DLGAP1: variants seen among roughly 807,000 people sequenced by gnomAD.
DLGAP1 encodes the protein DLG associated protein 1, also known as disks large-associated protein 1.
DLGAP1 carries 11 observed loss-of-function variants against 90.8 expected under a neutral mutation model. The observed-to-expected ratio is 0.12, with a 90% CI of 0.08 to 0.20. The LOEUF (loss-of-function observed/expected upper bound fraction) is 0.20, where lower values mean the gene tolerates loss of function less well. Among genes scored for constraint, DLGAP1 ranks in the 10% least tolerant of loss-of-function variants. The pLI is 1.00. For missense variants in DLGAP1, 1,050 were observed against 1,333.8 expected, an observed-to-expected ratio of 0.79 and a Z score of 3.31; for synonymous variants, 558 against 540.7, an observed-to-expected ratio of 1.03 and a Z score of -0.44.
At chr18:3,631,182 C>A (rs970579069) in intron 7 of DLGAP1, among the ~76,000 whole-genome samples, 5 of 151,652 alleles carry the variant, frequency 3.3e-5, no homozygotes, top group African/African-American at 1.2e-4. Context: ...TGGGGTTTCA[C>A]CATGTTGGTC....
Position 3,526,955 on chromosome 18 carries a change from T to G in DLGAP1, c.2479+7239A>C, listed in dbSNP as rs542772224. Among the ~76,000 whole-genome samples, 7 of 152,118 alleles carry G rather than the reference T, an allele frequency of 4.6e-5. No individual in the cohort carries two copies. The highest frequency in any genetic ancestry group is 8.8e-5 in the Non-Finnish European group (6 of 67,982). On this transcript the variant is annotated intron_variant, in intron 10 of 12. Coordinates refer to ENST00000315677, the MANE Select transcript of DLGAP1 (RefSeq NM_004746.4). This position sits in a 1 kb window ranked among gnomAD's most constrained non-coding sequence, Gnocchi z 4.7. Reference sequence around the variant, plus strand: ...TTGGCTTGGAGGAAACCTCACTCACTGCAGTTTCATTATTTTATTATCAAG... The same window carrying G: ...TTGGCTTGGAGGAAACCTCACTCACGGCAGTTTCATTATTTTATTATCAAG...
chr18:4,236,798 C>T (rs886627748), intron 1 of DLGAP1, among the ~76,000 whole-genome samples: 28 of 152,006 alleles, frequency 1.8e-4, no homozygotes, highest in African/African-American at 5.8e-4. Flanking sequence ...CTCTACCAGT[C>T]GCCAGAATAT....
intron 1 of DLGAP1, among the ~76,000 whole-genome samples, chr18:4,339,551 T>C (rs1038316322): frequency 6.6e-6 from 1 of 152,172 alleles, no homozygotes; most frequent in African/African-American, 2.4e-5. Context: ...TATCAATTAT[T>C]TGTATTTTCT....
intron 1 of DLGAP1, among the ~76,000 whole-genome samples, chr18:4,438,267 A>G (rs2083449887): frequency 6.6e-6 from 1 of 152,052 alleles, no homozygotes; most frequent in African/African-American, 2.4e-5. Flanking sequence ...GTGAAGTACT[A>G]GACTGATGTT....
intron 2 of DLGAP1, among the ~76,000 whole-genome samples, chr18:4,046,994 A>T (rs1274069444): frequency 2.6e-5 from 4 of 152,236 alleles, no homozygotes; most frequent in African/African-American, 9.6e-5. Context: ...TTGCCTCCAC[A>T]TCCTGGAACT....
intron 1 of DLGAP1, among the ~76,000 whole-genome samples, chr18:4,365,703 T>G (rs1007765654): frequency 6.6e-6 from 1 of 152,160 alleles, no homozygotes; most frequent in Non-Finnish European, 1.5e-5. Context: ...AGGCATGAAT[T>G]TGAAAACGAG....
intron 2 of DLGAP1, among the ~76,000 whole-genome samples, chr18:4,050,653 T>C (rs1364352221): frequency 6.6e-6 from 1 of 152,230 alleles, no homozygotes; most frequent in Admixed American, 6.5e-5. Context: ...AGGTTAATGC[T>C]CACAGGATAG....
chr18:3,868,104 T>C (rs1228351060), intron 4 of DLGAP1, among the ~76,000 whole-genome samples: 1 of 152,166 alleles, frequency 6.6e-6, no homozygotes, highest in African/African-American at 2.4e-5. Flanking sequence ...ATCAGCTATT[T>C]ATAGGCGTTT....
At chr18:4,285,776 T>C (rs1007707391) in intron 1 of DLGAP1, among the ~76,000 whole-genome samples, 11 of 152,188 alleles carry the variant, frequency 7.2e-5, no homozygotes, top group African/African-American at 2.7e-4. Flanking sequence ...GGTTGAAACA[T>C]GGCTACTGGG....
chr18:4,112,679 G>A (rs2075995176), intron 2 of DLGAP1, among the ~76,000 whole-genome samples: 1 of 152,130 alleles, frequency 6.6e-6, no homozygotes. Flanking sequence ...AATATTGTGT[G>A]ATGCTGAGGT....
chr18:3,779,346 G>T (rs912000673), intron 5 of DLGAP1, among the ~76,000 whole-genome samples: 2 of 152,122 alleles, frequency 1.3e-5, no homozygotes, highest in African/African-American at 4.8e-5. Context: ...AAAGTGCTGG[G>T]ATTACAGGTG....
chr18:3,551,718 CCCTCCCTTCCTTCCTTCCTTCCTTCCTT>C (rs2053472179), intron 9 of DLGAP1, among the ~76,000 whole-genome samples: 1 of 31,342 alleles, frequency 3.2e-5, no homozygotes, highest in Non-Finnish European at 5.2e-5. Context: ...CTCCCTCCCT[CCCTCCCTTCCTTCCTTCCTTCCTTCCTT>C]CCTTCCTTCC....
chr18:4,287,810 C>G (rs2079737473), intron 1 of DLGAP1, among the ~76,000 whole-genome samples: 1 of 151,690 alleles, frequency 6.6e-6, no homozygotes, highest in Non-Finnish European at 1.5e-5. Context: ...TGTAACAAAC[C>G]TGTACATTCT....
At chr18:3,955,510 G>A (rs1319481523) in intron 3 of DLGAP1, among the ~76,000 whole-genome samples, 3 of 151,932 alleles carry the variant, frequency 2.0e-5, no homozygotes, top group Non-Finnish European at 2.9e-5. Flanking sequence ...TCAGGAGTTC[G>A]AGGCTAGCCT....
intron 3 of DLGAP1, among the ~76,000 whole-genome samples, chr18:3,926,442 A>ACGCACG (rs2072389345): frequency 6.6e-6 from 1 of 150,694 alleles, no homozygotes; most frequent in African/African-American, 2.5e-5. Flanking sequence ...ACACACACAC[A>ACGCACG]CACATGCATG....
intron 1 of DLGAP1, among the ~76,000 whole-genome samples, chr18:4,424,221 G>A (rs1056985836): frequency 2.0e-5 from 3 of 152,074 alleles, no homozygotes; most frequent in African/African-American, 7.2e-5. Context: ...GAATTTACTG[G>A]GCATAGTGGA....
chr18:3,708,229 A>G (rs937597233), intron 7 of DLGAP1: 4 of 358,160 alleles, frequency 1.1e-5, no homozygotes, highest in South Asian at 2.1e-5. Flanking sequence ...CTGGTCTTGA[A>G]TGCTTGACTT....
chr18:4,126,763 C>T (rs887286743), intron 2 of DLGAP1, among the ~76,000 whole-genome samples: 2 of 152,280 alleles, frequency 1.3e-5, no homozygotes, highest in East Asian at 1.9e-4. Flanking sequence ...ACATATGGTG[C>T]TTCAAGATTT....
chr18:3,778,628 G>A (rs947544590), intron 5 of DLGAP1, among the ~76,000 whole-genome samples: 1 of 152,156 alleles, frequency 6.6e-6, no homozygotes, highest in Non-Finnish European at 1.5e-5. Flanking sequence ...GCACAGCAGC[G>A]GCAAGTGGGG....
Sources: allele counts gnomAD v4.1 joint callset (sites outside exome capture counted in the v4.1 genomes callset), GRCh38; gene constraint gnomAD v4.1.1; non-coding constraint Gnocchi (gnomAD v3.1); transcripts MANE v1.5; gene names NCBI Gene and HGNC (gene_info 2026-07-23, HGNC 2026-07-21).